MGAT5: variants seen among roughly 807,000 people sequenced by gnomAD.
MGAT5 encodes the protein alpha-1,6-mannosylglycoprotein 6-beta-N-acetylglucosaminyltransferase A.
In MGAT5, 30 loss-of-function variants were observed where a neutral mutation model predicts 94.3. The ratio of observed to expected loss-of-function variants is 0.32; its 90% CI spans 0.24 to 0.43. The LOEUF (loss-of-function observed/expected upper bound fraction) is 0.43, where lower values mean the gene tolerates loss of function less well. Among genes scored for constraint, MGAT5 ranks in the 20% least tolerant of loss-of-function variants. The pLI is 1.00. For synonymous variants in MGAT5, 310 were observed against 322.9 expected (o/e 0.96, Z 0.43); for missense variants, 691 against 905.5 (o/e 0.76, Z 3.04).
At chr2:134,332,786 G>C (rs367676511) in intron 4 of MGAT5, among the ~76,000 whole-genome samples, 1 of 152,176 alleles carries the variant, frequency 6.6e-6, no homozygotes, top group East Asian at 1.9e-4. Context: ...ACATGAACAG[G>C]CACTTCTCAA....
At chr2:134,429,453 C>T (rs1684766290) in intron 14 of MGAT5, among the ~76,000 whole-genome samples, 1 of 152,156 alleles carries the variant, frequency 6.6e-6, no homozygotes, top group South Asian at 2.1e-4. Context: ...CTCCTGGCAC[C>T]ATGTGTTTCT....
rs1574042410 is a variant in MGAT5, at chr2:134,410,939, G to A, written c.1531-1930G>A. ...GCTATCTTATGCCCAACCACGGCCT[G>A]ACAGAGGTCATTTGTTTTCCACTGG... On this transcript the variant is annotated intron_variant, in intron 11 of 15. Coordinates refer to ENST00000281923, the MANE Select transcript of MGAT5 (RefSeq NM_002410.5). Among the ~76,000 whole-genome samples, 11 of 152,280 alleles carry A rather than the reference G, an allele frequency of 7.2e-5. No individual in the cohort carries two copies. In the South Asian group the frequency reaches 2.3e-3, roughly 32 times the overall value.
intron 1 of MGAT5, among the ~76,000 whole-genome samples, chr2:134,163,639 A>G (rs1687837229): frequency 6.6e-6 from 1 of 152,220 alleles, no homozygotes; most frequent in Non-Finnish European, 1.5e-5. Flanking sequence ...CAGAGGCTCT[A>G]AGAGGAACAT....
chr2:134,306,889 G>T (rs982869379), intron 2 of MGAT5, among the ~76,000 whole-genome samples: 4 of 152,138 alleles, frequency 2.6e-5, no homozygotes, highest in African/African-American at 9.7e-5. Flanking sequence ...CATTGCTGAG[G>T]TTCAGTGTGG....
chr2:134,362,431 C>T, intron 10 of MGAT5, 23 bp downstream of exon 10: 1 of 1,602,624 alleles, frequency 6.2e-7, no homozygotes, highest in Non-Finnish European at 8.5e-7. Flanking sequence ...GTGCGTGTCT[C>T]TCTCTCTGAA....
chr2:134,416,921 A>G (rs1219646232), intron 12 of MGAT5, among the ~76,000 whole-genome samples: 1 of 151,708 alleles, frequency 6.6e-6, no homozygotes, highest in East Asian at 1.9e-4. Flanking sequence ...ACTCCTTTTT[A>G]TGAAAAAAAT....
chr2:134,287,442 G>T (rs992844275), intron 2 of MGAT5, among the ~76,000 whole-genome samples: 1 of 152,042 alleles, frequency 6.6e-6, no homozygotes, highest in Non-Finnish European at 1.5e-5. Context: ...TCTTTCTTTG[G>T]TGTGAGAATG....
intron 1 of MGAT5, among the ~76,000 whole-genome samples, chr2:134,155,106 C>T (rs1489726958): frequency 6.6e-6 from 1 of 152,180 alleles, no homozygotes; most frequent in Non-Finnish European, 1.5e-5. Context: ...TTAGGACGCG[C>T]AAACTTTGTT....
chr2:134,256,807 A>G (rs975966127), intron 1 of MGAT5, among the ~76,000 whole-genome samples: 1 of 152,226 alleles, frequency 6.6e-6, no homozygotes, highest in Non-Finnish European at 1.5e-5. Context: ...GAAACAATCA[A>G]ACAGGTCACA....
intron 10 of MGAT5, among the ~76,000 whole-genome samples, chr2:134,369,792 GA>G (rs1323762507): frequency 6.8e-6 from 1 of 147,212 alleles, no homozygotes; most frequent in Non-Finnish European, 1.5e-5. Flanking sequence ...ATAAAGTCTA[GA>G]AATTTGCTAT....
chr2:134,179,444 G>A (rs4638847), intron 1 of MGAT5, among the ~76,000 whole-genome samples: 70,805 of 151,994 alleles, frequency 0.47, 19,067 homozygotes, highest in African/African-American at 0.74. Flanking sequence ...TTGTGACCAG[G>A]GGCTCGCGGG....
rs116383268 is a variant in MGAT5 at position 134,387,657 on chromosome 2, A to G, written c.1381-15331A>G. Among the ~76,000 whole-genome samples the G allele has an allele frequency of 7.2e-3, 1,103 of 152,262 alleles. 7 individuals are homozygous for G. Among genetic ancestry groups the G allele is most frequent in the Non-Finnish European group, 0.012 (811 of 68,022 alleles). ...GCAGCTGGTAACAAAACACCTAGCA[A>G]GCTCTTGCTGCATGCTACCTCATGT... On this transcript the variant is annotated intron_variant, in intron 10 of 15. Transcript: ENST00000281923.
chr2:134,219,808 G>A (rs531290071), intron 1 of MGAT5, among the ~76,000 whole-genome samples: 1 of 152,300 alleles, frequency 6.6e-6, no homozygotes, highest in African/African-American at 2.4e-5. Flanking sequence ...GTTGTTAGGA[G>A]TATTGGTTTC....
At chr2:134,417,260 G>A (rs1286204738) in intron 12 of MGAT5, among the ~76,000 whole-genome samples, 4 of 151,786 alleles carry the variant, frequency 2.6e-5, no homozygotes, top group Non-Finnish European at 5.9e-5. Context: ...TCTTCTTATG[G>A]CAGCTTCTAC....
chr2:134,233,917 C>G (rs894449468), intron 1 of MGAT5, among the ~76,000 whole-genome samples: 2 of 152,220 alleles, frequency 1.3e-5, no homozygotes, highest in Non-Finnish European at 2.9e-5. Context: ...GACTCTGGCT[C>G]TCTTGAATAA....
intron 2 of MGAT5, among the ~76,000 whole-genome samples, chr2:134,295,833 C>A (rs1051952411): frequency 1.3e-4 from 20 of 152,156 alleles, no homozygotes; most frequent in Admixed American, 5.9e-4. Flanking sequence ...CTGTCTTAAT[C>A]TAAACAGTGC....
intron 1 of MGAT5, among the ~76,000 whole-genome samples, chr2:134,269,066 C>T (rs961690503): frequency 1.3e-5 from 2 of 152,196 alleles, no homozygotes; most frequent in Admixed American, 6.5e-5. Flanking sequence ...GTCACATCTA[C>T]CTCATGGGGA....
chr2:134,133,373 T>A (rs1686265417), intron 1 of MGAT5, among the ~76,000 whole-genome samples: 1 of 152,240 alleles, frequency 6.6e-6, no homozygotes, highest in Admixed American at 6.5e-5. Flanking sequence ...TTATGTTGCA[T>A]GGCTCATGGG....
intron 1 of MGAT5, among the ~76,000 whole-genome samples, chr2:134,199,115 C>A (rs750313057): frequency 2.0e-5 from 3 of 152,170 alleles, no homozygotes; most frequent in Non-Finnish European, 4.4e-5. Context: ...TGAAAGTAAA[C>A]ATTAAACTCC....
Sources: allele counts gnomAD v4.1 joint callset (sites outside exome capture counted in the v4.1 genomes callset), GRCh38; gene constraint gnomAD v4.1.1; transcripts MANE v1.5; gene names NCBI Gene and HGNC (gene_info 2026-07-23, HGNC 2026-07-21).